GALNTL6: variants seen among roughly 807,000 people sequenced by gnomAD.
GALNTL6 encodes polypeptide N-acetylgalactosaminyltransferase like 6.
GALNTL6 carries 46 observed loss-of-function variants against 73.7 expected under a neutral mutation model. That is an observed-to-expected ratio of 0.62 (90% CI 0.49 to 0.80). GALNTL6 has a LOEUF of 0.80. Ranked by LOEUF, GALNTL6 falls within the 30% of genes least tolerant of loss-of-function variation. The pLI is 0.00. For missense variants in GALNTL6, 604 were observed against 755.0 expected, an observed-to-expected ratio of 0.80 and a Z score of 2.34; for synonymous variants, 259 against 263.7, an observed-to-expected ratio of 0.98 and a Z score of 0.17.
At chr4:172,924,780 T>C (rs1474333688) in intron 8 of GALNTL6, among the ~76,000 whole-genome samples, 2 of 152,198 alleles carry the variant, frequency 1.3e-5, no homozygotes, top group Admixed American at 6.5e-5. Flanking sequence ...GGAACCTTTA[T>C]GGAGCAGTTG....
At chr4:172,387,246 CT>C (rs1442593588) in intron 5 of GALNTL6, among the ~76,000 whole-genome samples, 2 of 152,062 alleles carry the variant, frequency 1.3e-5, no homozygotes, top group African/African-American at 4.8e-5. Context: ...ATAATAGTCC[CT>C]TTTATTTCTT....
chr4:173,035,386 C>G (rs1053204766), intron 12 of GALNTL6, among the ~76,000 whole-genome samples: 3 of 136,860 alleles, frequency 2.2e-5, no homozygotes, highest in African/African-American at 8.3e-5. Flanking sequence ...CCATGTTGCT[C>G]AGGCTGGTCT....
chr4:172,380,951 A>T (rs563740223), intron 5 of GALNTL6, among the ~76,000 whole-genome samples: 260 of 152,324 alleles, frequency 1.7e-3, no homozygotes, highest in African/African-American at 5.9e-3. Context: ...AATTAAAGAG[A>T]TAATCTGATA....
intron 5 of GALNTL6, among the ~76,000 whole-genome samples, chr4:172,676,567 T>C (rs1732313343): frequency 6.6e-6 from 1 of 152,240 alleles, no homozygotes; most frequent in Admixed American, 6.5e-5. Flanking sequence ...CAATTTCCTA[T>C]TGGTTCCGCT....
intron 5 of GALNTL6, among the ~76,000 whole-genome samples, chr4:172,436,548 T>A (rs1731641624): frequency 6.6e-6 from 1 of 152,096 alleles, no homozygotes; most frequent in South Asian, 2.1e-4. Flanking sequence ...AACAAGTAGA[T>A]CTGAAGATTA....
chr4:172,132,393 C>CA (rs1475568396), intron 2 of GALNTL6, among the ~76,000 whole-genome samples: 2 of 151,880 alleles, frequency 1.3e-5, no homozygotes, highest in Admixed American at 6.6e-5. Flanking sequence ...TTTCTATCAC[C>CA]AAAAAATCAT....
intron 2 of GALNTL6, among the ~76,000 whole-genome samples, chr4:172,094,340 G>C (rs989454564): frequency 1.3e-5 from 2 of 152,002 alleles, no homozygotes; most frequent in Admixed American, 1.3e-4. Context: ...TTAAATAATA[G>C]AAATTACAAT....
At chr4:172,319,966 A>G (rs192399214) in intron 4 of GALNTL6, among the ~76,000 whole-genome samples, 1 of 152,198 alleles carries the variant, frequency 6.6e-6, no homozygotes, top group African/African-American at 2.4e-5. Flanking sequence ...GTCAGACACT[A>G]CTTCAGACAG....
At chr4:171,875,423 A>G (rs1466591886) in intron 2 of GALNTL6, among the ~76,000 whole-genome samples, 1 of 151,990 alleles carries the variant, frequency 6.6e-6, no homozygotes, top group Non-Finnish European at 1.5e-5. Context: ...TTCTGTCTTA[A>G]GTCTTTGCCT....
intron 2 of GALNTL6, among the ~76,000 whole-genome samples, chr4:171,818,282 T>G (rs949922441): frequency 2.0e-5 from 3 of 151,808 alleles, no homozygotes; most frequent in Non-Finnish European, 4.4e-5. Flanking sequence ...ATTTCTCTTT[T>G]CTTAATCACT....
chr4:172,621,943 G>A (rs1279064352), intron 5 of GALNTL6, among the ~76,000 whole-genome samples: 4 of 151,872 alleles, frequency 2.6e-5, no homozygotes, highest in Admixed American at 6.6e-5. Flanking sequence ...CCAATCTAAC[G>A]GCATTCATGG....
At chr4:172,640,447 G>A (rs1173437649) in intron 5 of GALNTL6, among the ~76,000 whole-genome samples, 2 of 152,024 alleles carry the variant, frequency 1.3e-5, no homozygotes, top group African/African-American at 4.8e-5. Context: ...GTCGGCTTGG[G>A]CTGCCATAAC....
intron 2 of GALNTL6, among the ~76,000 whole-genome samples, chr4:172,074,557 T>TC (rs386402282): frequency 3.3e-5 from 5 of 152,040 alleles, no homozygotes; most frequent in African/African-American, 1.2e-4. Context: ...CAAACTTTTT[T>TC]TTTTAACATT....
chr4:172,211,301 CT>C (rs1281266106), intron 2 of GALNTL6, among the ~76,000 whole-genome samples: 1 of 152,160 alleles, frequency 6.6e-6, no homozygotes, highest in Non-Finnish European at 1.5e-5. Context: ...GTCCTTGCCC[CT>C]AGGCCTTCTC....
rs140384074 is a variant in GALNTL6 at position 172,798,633 on chromosome 4, TAGTA to T, written c.554-10724_554-10721del. On this transcript the variant is annotated intron_variant, in intron 5 of 12. Transcript: ENST00000506823. ...TTATAGCAAGGCAAGAACAGACTAA[TAGTA>T]AGTCATTAAGTCAAATCATCTCCCA... is the stretch of plus-strand genomic sequence containing the variant. Among the ~76,000 whole-genome samples, 56 of 152,324 alleles carry T rather than the reference TAGTA, an allele frequency of 3.7e-4. No individual in the cohort carries two copies. The East Asian group carries it at 9.1e-3, about 25-fold the overall frequency.
At chr4:172,396,716 C>T (rs1743862373) in intron 5 of GALNTL6, among the ~76,000 whole-genome samples, 1 of 152,084 alleles carries the variant, frequency 6.6e-6, no homozygotes, top group Admixed American at 6.6e-5. Context: ...GATATATTGT[C>T]AGGGCTTGTG....
At chr4:172,163,991 G>A (rs1461767279) in intron 2 of GALNTL6, among the ~76,000 whole-genome samples, 1 of 151,906 alleles carries the variant, frequency 6.6e-6, no homozygotes, top group Non-Finnish European at 1.5e-5. Context: ...CACTGAAATT[G>A]AGTACAGAAT....
At chr4:172,733,061 G>A (rs927466127) in intron 5 of GALNTL6, among the ~76,000 whole-genome samples, 1 of 152,194 alleles carries the variant, frequency 6.6e-6, no homozygotes, top group African/African-American at 2.4e-5. Flanking sequence ...GCACCTTAGT[G>A]CTTTTGTTTT....
At chr4:172,377,101 G>T (rs549170979) in intron 5 of GALNTL6, among the ~76,000 whole-genome samples, 25 of 152,242 alleles carry the variant, frequency 1.6e-4, no homozygotes, top group African/African-American at 5.8e-4. Flanking sequence ...GGCAGCCTGC[G>T]TTTATTCCCT....
Sources: gnomAD v4.1 joint callset for allele counts (sites outside exome capture counted in the v4.1 genomes callset) on GRCh38, gnomAD v4.1.1 for gene constraint, MANE v1.5 for transcripts, NCBI Gene and HGNC (gene_info 2026-07-23, HGNC 2026-07-21) for gene names.